Variants in MARCHF1 observed in about 807,000 individuals in gnomAD.
The protein encoded by MARCHF1 is membrane associated ring-CH-type finger 1.
In MARCHF1, 40 loss-of-function variants were observed where a neutral mutation model predicts 54.2. The observed-to-expected ratio is 0.74, with a 90% CI of 0.57 to 0.96. The LOEUF (loss-of-function observed/expected upper bound fraction) is 0.96, where lower values mean the gene tolerates loss of function less well. Ranked by LOEUF, MARCHF1 falls within the 40% of genes least tolerant of loss-of-function variation. MARCHF1 has a pLI of 0.00. For missense variants in MARCHF1, 586 were observed against 656.5 expected (o/e 0.89, Z 1.17); for synonymous variants, 236 against 236.3 (o/e 1.00, Z 0.01).
chr4:163,526,203 G>GA lies in MARCHF1; in HGVS notation c.*2544dup, dbSNP rs1235958107. ...ATGCTTACCTTTGCTTTTTATTCTA[G>GA]AAATGTTTTCTTAGTGTTAAAAGTG... On this transcript the variant is annotated 3_prime_UTR_variant, in exon 10 of 10. Transcript: ENST00000514618. The GA allele has an allele frequency of 2.6e-4, 40 of 152,008 alleles. No individual in the cohort carries two copies. Among genetic ancestry groups the GA allele is most frequent in the African/African-American group, 9.2e-4 (38 of 41,426 alleles). 9.4% of individuals were successfully genotyped at this position (152,008 alleles called of 1,614,324 possible). A position where few individuals can be genotyped will look rare whatever the true frequency, so the allele number is the denominator to read the frequency against.
At chr4:164,075,817 C>G (rs1405313272) in intron 2 of MARCHF1, among the ~76,000 whole-genome samples, 1 of 152,158 alleles carries the variant, frequency 6.6e-6, no homozygotes, top group Non-Finnish European at 1.5e-5. Context: ...AAGTTATGCA[C>G]TGAGGCTGAT....
intron 4 of MARCHF1, among the ~76,000 whole-genome samples, chr4:163,719,744 C>T (rs1034397068): frequency 1.3e-5 from 2 of 152,010 alleles, no homozygotes; most frequent in African/African-American, 4.8e-5. Flanking sequence ...GAGATGGTAT[C>T]TCATTGTGGT....
Position 163,556,389 on chromosome 4 carries a change from A to T in MARCHF1, c.1192-10646T>A, listed in dbSNP as rs557316233. On this transcript the variant is annotated intron_variant, in intron 8 of 9. Coordinates refer to ENST00000514618, the MANE Select transcript of MARCHF1 (RefSeq NM_001394959.1). ...TTTGGGTGGCAGCAAATAAAAAGAG[A>T]ATCTTTTTGGAACCGTCTATTTGTA... Among the ~76,000 whole-genome samples, 9 of 152,240 alleles carry T rather than the reference A, an allele frequency of 5.9e-5. No individual in the cohort carries two copies. The South Asian group carries it at 1.9e-3, about 32-fold the overall frequency.
intron 1 of MARCHF1, among the ~76,000 whole-genome samples, chr4:164,145,468 T>C (rs1291260761): frequency 6.6e-6 from 1 of 151,952 alleles, no homozygotes; most frequent in Non-Finnish European, 1.5e-5. Flanking sequence ...AAAAAGCTTA[T>C]CCACCATGAT....
At chr4:163,959,942 G>A (rs1409146959) in intron 3 of MARCHF1, among the ~76,000 whole-genome samples, 2 of 151,546 alleles carry the variant, frequency 1.3e-5, no homozygotes, top group Admixed American at 6.6e-5. Context: ...AATCCAACAT[G>A]TATAAGGAAC....
intron 4 of MARCHF1, among the ~76,000 whole-genome samples, chr4:163,829,666 G>A (rs1404525680): frequency 2.6e-5 from 4 of 152,202 alleles, no homozygotes; most frequent in Admixed American, 6.5e-5. Context: ...TGATATGTAC[G>A]CAAATATTTA....
At chr4:163,752,975 G>T (rs1308602051) in intron 4 of MARCHF1, among the ~76,000 whole-genome samples, 5 of 151,950 alleles carry the variant, frequency 3.3e-5, no homozygotes, top group African/African-American at 1.2e-4. Flanking sequence ...ACACTTAATG[G>T]CAATTTTCTT....
At chr4:164,069,824 T>G (rs750598904) in intron 2 of MARCHF1, among the ~76,000 whole-genome samples, 3 of 152,178 alleles carry the variant, frequency 2.0e-5, no homozygotes, top group Non-Finnish European at 2.9e-5. Flanking sequence ...TGTATGTTTA[T>G]CACCATGAAA....
At chr4:164,301,631 T>TA (rs1320857540) in intron 1 of MARCHF1, among the ~76,000 whole-genome samples, 2 of 151,882 alleles carry the variant, frequency 1.3e-5, no homozygotes, top group Non-Finnish European at 2.9e-5. Flanking sequence ...GCTGAGTCAA[T>TA]AAAAAAGGCC....
At chr4:163,843,942 G>C (rs72685638) in intron 4 of MARCHF1, among the ~76,000 whole-genome samples, 3,563 of 151,356 alleles carry the variant, frequency 0.024, 69 homozygotes, top group Non-Finnish European at 0.036. Context: ...AGAATTGTTC[G>C]CTCATGCCCC....
At chr4:163,605,554 G>C (rs2110903441) in intron 7 of MARCHF1, among the ~76,000 whole-genome samples, 1 of 152,254 alleles carries the variant, frequency 6.6e-6, no homozygotes, top group East Asian at 1.9e-4. Flanking sequence ...TCCCATTACT[G>C]GGTATATACC....
At chr4:163,892,101 T>G (rs959192002) in intron 3 of MARCHF1, among the ~76,000 whole-genome samples, 1 of 152,142 alleles carries the variant, frequency 6.6e-6, no homozygotes, top group Non-Finnish European at 1.5e-5. Flanking sequence ...ACCATAATTA[T>G]GTCCAAATAG....
chr4:163,596,529 G>A, intron 7 of MARCHF1, among the ~76,000 whole-genome samples: 1 of 120,694 alleles, frequency 8.3e-6, no homozygotes, highest in Admixed American at 9.3e-5. Context: ...GACAGTGTGA[G>A]GCTGTCTCAA....
In MARCHF1 at chr4:163,783,762, T is replaced by G. The variant is rs115731784; in HGVS notation, c.111+70259A>C. 6.7e-3 allele frequency among the ~76,000 whole-genome samples: 1,023 copies of G among 152,306 alleles called. 8 individuals carry two copies. The highest frequency in any genetic ancestry group is 0.03 in the South Asian group (147 of 4,830). ...CAGCTCTGTATTTTTGAACTCTCTTTAATCTTTTTTTCTTGCCTGCAATGC... is the reference window on the plus strand; with the variant it reads ...CAGCTCTGTATTTTTGAACTCTCTTGAATCTTTTTTTCTTGCCTGCAATGC... On this transcript the variant is annotated intron_variant, in intron 4 of 9. Coordinates refer to ENST00000514618, the MANE Select transcript of MARCHF1 (RefSeq NM_001394959.1).
chr4:164,074,365 T>C (rs994137801), intron 2 of MARCHF1, among the ~76,000 whole-genome samples: 6 of 152,206 alleles, frequency 3.9e-5, no homozygotes, highest in African/African-American at 1.4e-4. Flanking sequence ...AAGTGGTTGG[T>C]TGTCCATTTC....
rs117977016 is a variant in MARCHF1 at position 164,083,107 on chromosome 4, A to G, written c.-248+28481T>C. Among the ~76,000 whole-genome samples the G allele has an allele frequency of 9.9e-4, 151 of 152,264 alleles. 1 individual carries two copies. The highest frequency in any genetic ancestry group is 5.1e-4 in the Non-Finnish European group (35 of 67,998). The stretch of plus-strand genomic sequence containing the variant: ...CATTTCTTTCCCTTTCTTAGAGCAC[A>G]TGGCATTTTAGCTACATCCTAAGGA... On this transcript the variant is annotated intron_variant, in intron 2 of 9. Coordinates refer to ENST00000514618, the MANE Select transcript of MARCHF1 (RefSeq NM_001394959.1).
chr4:163,908,430 TAAG>T (rs1159699115), intron 3 of MARCHF1, among the ~76,000 whole-genome samples: 2 of 152,178 alleles, frequency 1.3e-5, no homozygotes, highest in East Asian at 3.8e-4. Flanking sequence ...ATAAGCTGGT[TAAG>T]AAGAATGCAT....
At chr4:163,733,258 T>TATACACGTGTATATATATATAC (rs1554008879) in intron 4 of MARCHF1, among the ~76,000 whole-genome samples, 1 of 45,062 alleles carries the variant, frequency 2.2e-5, no homozygotes, top group African/African-American at 6.6e-5. Context: ...TATATATATA[T>TATACACGTGTATATATATATAC]ACACACACAC....
chr4:164,015,900 CAAA>C (rs770216277), intron 2 of MARCHF1, among the ~76,000 whole-genome samples: 64 of 143,624 alleles, frequency 4.5e-4, no homozygotes, highest in African/African-American at 1.6e-3. Flanking sequence ...TAAGTTTCCC[CAAA>C]AAAAAAAAAA....
Sources: allele counts gnomAD v4.1 joint callset (sites outside exome capture counted in the v4.1 genomes callset), GRCh38; gene constraint gnomAD v4.1.1; transcripts MANE v1.5; gene names NCBI Gene and HGNC (gene_info 2026-07-23, HGNC 2026-07-21).